Variants in DNAH14 observed in about 807,000 individuals in gnomAD.
DNAH14 encodes dynein axonemal heavy chain 14.
DNAH14 carries 478 observed loss-of-function variants against 520.9 expected under a neutral mutation model. The ratio of observed to expected loss-of-function variants is 0.92; its 90% CI spans 0.85 to 0.99. The LOEUF is 0.99. Ranked by LOEUF, DNAH14 falls within the 50% of genes least tolerant of loss-of-function variation. DNAH14 has a pLI of 0.00. For missense variants in DNAH14, 4,831 were observed against 5,234.5 expected, an observed-to-expected ratio of 0.92 and a Z score of 2.38; for synonymous variants, 1,581 against 1,757.2, an observed-to-expected ratio of 0.90 and a Z score of 2.51.
At chr1:225,070,278 G>A (rs1044699784) in intron 17 of DNAH14, among the ~76,000 whole-genome samples, 3 of 151,950 alleles carry the variant, frequency 2.0e-5, no homozygotes, top group African/African-American at 7.2e-5. Context: ...TAGTTCTCTA[G>A]GTCTTTTAGT....
In DNAH14 at chr1:224,955,190, C is replaced by A; in HGVS notation, c.217+92C>A. 3 of 1,316,168 alleles carry A rather than the reference C, an allele frequency of 2.3e-6. No individual in the cohort carries two copies. The South Asian group carries it at 3.9e-5, about 17-fold the overall frequency. 81.5% of individuals were successfully genotyped at this position (1,316,168 alleles called of 1,614,324 possible). The stretch of plus-strand genomic sequence containing the variant: ...TTTTCATAGCATTAAATTAAGGAAA[C>A]AAGTGAAACATATTGAAATATTAGT... On this transcript the variant is annotated intron_variant, in intron 3 of 85. Coordinates refer to ENST00000682510, the MANE Select transcript of DNAH14 (RefSeq NM_001367479.1).
intron 17 of DNAH14, among the ~76,000 whole-genome samples, chr1:225,065,143 A>C (rs541897744): frequency 6.6e-6 from 1 of 152,068 alleles, no homozygotes; most frequent in Admixed American, 6.6e-5. Flanking sequence ...CAAATTCATC[A>C]TGAAATCTTT....
chr1:225,301,603 G>A (rs191788190), intron 56 of DNAH14, among the ~76,000 whole-genome samples: 32 of 152,238 alleles, frequency 2.1e-4, no homozygotes, highest in African/African-American at 6.3e-4. Flanking sequence ...CATGATGACC[G>A]ACCAGTGGCT....
chr1:225,332,368 A>G (rs1422741254), intron 65 of DNAH14, among the ~76,000 whole-genome samples: 1 of 152,166 alleles, frequency 6.6e-6, no homozygotes. Context: ...AGGCAGTGGA[A>G]CATCAGCATA....
At chr1:225,219,909 T>C (rs566736028) in intron 41 of DNAH14, among the ~76,000 whole-genome samples, 5 of 152,258 alleles carry the variant, frequency 3.3e-5, no homozygotes, top group African/African-American at 4.8e-5. Context: ...AAATCCTCAA[T>C]AAAATACTGG....
At chr1:224,955,269 G>A (rs12748878) in intron 3 of DNAH14, among the ~76,000 whole-genome samples, 171 bp downstream of exon 3, 2 of 144,688 alleles carry the variant, frequency 1.4e-5, no homozygotes, top group South Asian at 2.1e-4. Flanking sequence ...TTCAAATAAC[G>A]GGAACATTAA....
At chr1:225,138,885 T>C (rs187250783) in intron 27 of DNAH14, among the ~76,000 whole-genome samples, 26 of 152,222 alleles carry the variant, frequency 1.7e-4, no homozygotes, top group African/African-American at 6.0e-4. Flanking sequence ...CAGTTAAAGG[T>C]GTTGAATTCA....
chr1:225,280,649 T>A (rs1175094009), intron 54 of DNAH14, among the ~76,000 whole-genome samples: 2 of 150,550 alleles, frequency 1.3e-5, no homozygotes, highest in Non-Finnish European at 3.0e-5. Flanking sequence ...CAAGAAAGTC[T>A]AAGAAGAGTA....
intron 26 of DNAH14, among the ~76,000 whole-genome samples, chr1:225,123,308 A>G (rs751935143): frequency 2.6e-4 from 40 of 152,152 alleles, no homozygotes; most frequent in Non-Finnish European, 5.1e-4. Flanking sequence ...CAATGGCCTT[A>G]TTAGAAAAGT....
In DNAH14 at chr1:225,066,744, T is replaced by C. The variant is rs561939788; in HGVS notation, c.2425-12463T>C. Among the ~76,000 whole-genome samples the C allele has an allele frequency of 1.6e-4, 24 of 152,100 alleles. No homozygotes were observed. In the South Asian group the frequency reaches 1.7e-3, roughly 11 times the overall value. ...GCTCCCACTTATAAGTGAGAACATATGATATTTGGTTTTCCATTCCTGGGT... is the reference window on the plus strand; with the variant it reads ...GCTCCCACTTATAAGTGAGAACATACGATATTTGGTTTTCCATTCCTGGGT... On this transcript the variant is annotated intron_variant, in intron 17 of 85. Coordinates refer to ENST00000682510, the MANE Select transcript of DNAH14 (RefSeq NM_001367479.1).
At chr1:225,164,501 A>G (rs746690920) in intron 35 of DNAH14, among the ~76,000 whole-genome samples, 16 of 152,060 alleles carry the variant, frequency 1.1e-4, no homozygotes, top group Non-Finnish European at 1.8e-4. Context: ...CTTTTTCTAT[A>G]CAATGTATCC....
chr1:225,360,698 A>T lies in DNAH14; in HGVS notation c.11794A>T (p.Ile3932Phe), dbSNP rs1055314506. 7 of 1,551,610 alleles carry T rather than the reference A, an allele frequency of 4.5e-6. No individual in the cohort carries two copies. The highest frequency in any genetic ancestry group is 1.4e-5 in the African/African-American group (1 of 73,060). Residue 3932 changes from isoleucine (I) to phenylalanine (F), a missense_variant, in exon 75 of 86, where the codon ATC (isoleucine) becomes TTC (phenylalanine). By Grantham distance (21) the Ile-to-Phe change is conservative (BLOSUM62 0). Coordinates refer to ENST00000682510, the MANE Select transcript of DNAH14 (RefSeq NM_001367479.1). ...IQTHGIDLTN[I>F]LLRFAQELKG... ...TTATACAGGGATCGACCTTACCAAT[A>T]TCCTCCTGAGATTTGCACAAGAGTT... is the stretch of plus-strand genomic sequence containing the variant.
chr1:225,152,673 G>A (rs1559115988), intron 32 of DNAH14, 24 bp from the exon 33 acceptor site: 2 of 1,507,854 alleles, frequency 1.3e-6, no homozygotes, highest in East Asian at 2.5e-5. Flanking sequence ...TGTTTTTATT[G>A]TTTGTTTTTC....
intron 17 of DNAH14, among the ~76,000 whole-genome samples, chr1:225,064,728 G>A (rs998770526): frequency 2.6e-5 from 4 of 152,052 alleles, no homozygotes; most frequent in Non-Finnish European, 2.9e-5. Flanking sequence ...TTAATCTATA[G>A]CAACAATAAC....
At chr1:225,039,256 T>C (rs1171621898) in intron 12 of DNAH14, among the ~76,000 whole-genome samples, 1 of 152,172 alleles carries the variant, frequency 6.6e-6, no homozygotes, top group African/African-American at 2.4e-5. Flanking sequence ...GGCCACCCTA[T>C]GTAAAGTAGC....
At chr1:225,367,544 C>A (rs1210642857) in intron 76 of DNAH14, among the ~76,000 whole-genome samples, 1 of 152,218 alleles carries the variant, frequency 6.6e-6, no homozygotes, top group African/African-American at 2.4e-5. Context: ...ATGCTCTGAG[C>A]AAATAAGAGT....
At chr1:225,147,782 C>T (rs547068159) in intron 31 of DNAH14, among the ~76,000 whole-genome samples, 1 of 152,252 alleles carries the variant, frequency 6.6e-6, no homozygotes, top group Non-Finnish European at 1.5e-5. Context: ...TTGTCTCCCT[C>T]CTCCCACCTT....
At position 225,346,467 on chromosome 1, in the gene DNAH14, A is replaced by G. The variant is rs1412061597; in HGVS notation, c.11109A>G (p.Ser3703=). ...TATTTTCCCTATAGGTGGTTTCTTC[A>G]GCTCTATTTAATGAAGATAAACTTT... is the stretch of plus-strand genomic sequence containing the variant. ...LTKSIFKVVS[S]ALFNEDKLCF... The change falls in exon 71 of 86, where the codon TCA becomes TCG. Residue 3703 remains serine, a synonymous_variant. Transcript: ENST00000682510. 4.5e-6 allele frequency: 7 copies of G among 1,548,220 alleles called. No individual in the cohort carries two copies. The highest frequency in any genetic ancestry group is 2.4e-5 in the East Asian group (1 of 40,874).
intron 27 of DNAH14, among the ~76,000 whole-genome samples, chr1:225,135,677 G>A (rs993073007): frequency 6.6e-6 from 1 of 151,972 alleles, no homozygotes; most frequent in African/African-American, 2.4e-5. Flanking sequence ...ATGTCTATTA[G>A]GTCCATTTAG....
Sources: allele counts gnomAD v4.1 joint callset (sites outside exome capture counted in the v4.1 genomes callset), GRCh38; gene constraint gnomAD v4.1.1; transcripts MANE v1.5; gene names NCBI Gene and HGNC (gene_info 2026-07-23, HGNC 2026-07-21).